SHISA6: variants seen among roughly 807,000 people sequenced by gnomAD.
The protein encoded by SHISA6 is shisa family member 6.
A neutral mutation model predicts 47.9 loss-of-function variants in SHISA6; 22 were observed. The observed-to-expected ratio is 0.46, with a 90% CI of 0.33 to 0.66. The LOEUF is 0.66. SHISA6 is among the 30% of genes least tolerant of loss of function. SHISA6 has a pLI of 0.02. For missense variants in SHISA6, 680 were observed against 764.6 expected (o/e 0.89, Z 1.30); for synonymous variants, 388 against 337.8 (o/e 1.15, Z -1.63).
chr17:11,326,346 A>G (rs745878367), intron 2 of SHISA6, among the ~76,000 whole-genome samples: 14 of 150,680 alleles, frequency 9.3e-5, no homozygotes, highest in Admixed American at 2.0e-4. Context: ...TGCTTTCTCT[A>G]CTCCCCTCTA....
At chr17:11,417,468 G>T (rs147490520) in intron 3 of SHISA6, among the ~76,000 whole-genome samples, 41 of 152,308 alleles carry the variant, frequency 2.7e-4, no homozygotes, top group African/African-American at 9.9e-4. Flanking sequence ...TGTATGGGGA[G>T]CACGTGGCCT....
chr17:11,501,526 T>C lies in SHISA6; in HGVS notation c.896-50370T>C, dbSNP rs577470857. On this transcript the variant is annotated intron_variant, in intron 3 of 5. Transcript: ENST00000441885. Reference sequence around the variant, plus strand: ...GGAATTAAGGAGGTTTTTTTAGTACTAGAAGAAAAGACCAAGGCATGACTT... The same window carrying C: ...GGAATTAAGGAGGTTTTTTTAGTACCAGAAGAAAAGACCAAGGCATGACTT... 2.0e-5 allele frequency among the ~76,000 whole-genome samples: 3 copies of C among 152,246 alleles called. No homozygotes were observed. In the East Asian group the frequency reaches 5.8e-4, roughly 29 times the overall value.
rs894126127 is a variant in SHISA6, at chr17:11,242,115, C to G, written c.638+55C>G. On this transcript the variant is annotated intron_variant, in intron 1 of 5. Transcript: ENST00000441885. ...TCTCCCCGCGGCCTCACCCTCTCAG[C>G]TTGCTTCCCCTGTCCTCTTCACTCT... 2.0e-5 allele frequency: 31 copies of G among 1,543,430 alleles called. No homozygotes were observed. In the African/African-American group the frequency reaches 3.7e-4, roughly 18 times the overall value.
intron 2 of SHISA6, among the ~76,000 whole-genome samples, chr17:11,287,251 G>A (rs901527227): frequency 4.8e-5 from 7 of 147,184 alleles, no homozygotes; most frequent in Non-Finnish European, 8.9e-5. Context: ...GAAGGAAGGA[G>A]GGAGGGAAGG....
chr17:11,487,652 C>G (rs1183109196), intron 3 of SHISA6, among the ~76,000 whole-genome samples: 1 of 152,194 alleles, frequency 6.6e-6, no homozygotes, highest in Non-Finnish European at 1.5e-5. Context: ...ACTAATGCCC[C>G]TGACTCTTTA....
At position 11,464,548 on chromosome 17, in the gene SHISA6, G is replaced by A. The variant is rs567259183; in HGVS notation, c.895+85039G>A. ...CTATACACACCCACGTCCATGAAAT[G>A]AATGCATTACACTCTGTGGAGAAGG... On this transcript the variant is annotated intron_variant, in intron 3 of 5. Coordinates refer to ENST00000441885, the MANE Select transcript of SHISA6 (RefSeq NM_207386.4). 3.9e-5 allele frequency among the ~76,000 whole-genome samples: 6 copies of A among 152,316 alleles called. No homozygotes were observed. The East Asian group carries it at 9.7e-4, about 25-fold the overall frequency.
rs138608488 is a variant in SHISA6, at chr17:11,318,468, A to G, written c.799+54942A>G. On this transcript the variant is annotated intron_variant, in intron 2 of 5. Coordinates refer to ENST00000441885, the MANE Select transcript of SHISA6 (RefSeq NM_207386.4). The stretch of plus-strand genomic sequence containing the variant: ...TTAGAATGCTGTCTTCACATGTACC[A>G]TCTGCCACCCCCTAGGAGGTTCTTT... Among the ~76,000 whole-genome samples, 1,089 of 152,148 alleles carry G rather than the reference A, an allele frequency of 7.2e-3. 5 individuals carry two copies. The highest frequency in any genetic ancestry group is 0.011 in the Non-Finnish European group (729 of 67,984).
intron 3 of SHISA6, among the ~76,000 whole-genome samples, chr17:11,500,094 T>G (rs2071439205): frequency 6.6e-6 from 1 of 151,910 alleles, no homozygotes; most frequent in African/African-American, 2.4e-5. Context: ...AGGCCAGAGA[T>G]GAGAAAAGAC....
intron 2 of SHISA6, among the ~76,000 whole-genome samples, chr17:11,293,045 G>A (rs1909608898): frequency 6.6e-6 from 1 of 151,900 alleles, no homozygotes; most frequent in Admixed American, 6.6e-5. Context: ...GGCTGGTGTT[G>A]AACTCCCGAC....
chr17:11,491,493 G>T (rs1187277128), intron 3 of SHISA6, among the ~76,000 whole-genome samples: 1 of 151,988 alleles, frequency 6.6e-6, no homozygotes, highest in Non-Finnish European at 1.5e-5. Flanking sequence ...GGAGACGGGG[G>T]TCTCACTATG....
intron 2 of SHISA6, among the ~76,000 whole-genome samples, chr17:11,350,718 C>G (rs575857568): frequency 1.1e-3 from 170 of 152,064 alleles, no homozygotes; most frequent in African/African-American, 3.9e-3. Flanking sequence ...AGCATTTTTT[C>G]TAGTATATAA....
At chr17:11,319,689 A>G (rs9899695) in intron 2 of SHISA6, among the ~76,000 whole-genome samples, 25,027 of 152,230 alleles carry the variant, frequency 0.16, 2,805 homozygotes, top group African/African-American at 0.31. Context: ...TGATTATTCA[A>G]ATTCTTCTAA....
At chr17:11,379,225 T>C (rs1912924628) in intron 2 of SHISA6, among the ~76,000 whole-genome samples, 189 bp from the exon 3 acceptor site, 1 of 148,400 alleles carries the variant, frequency 6.7e-6, no homozygotes, top group Non-Finnish European at 1.5e-5. Flanking sequence ...TTCAGTAATA[T>C]ATATATTTTT....
At position 11,441,926 on chromosome 17, in the gene SHISA6, G is replaced by T. The variant is rs558817875; in HGVS notation, c.895+62417G>T. ...CTTCACCTTTGCAAAATGAGAGAGT[G>T]CTGGAGGCCCTTTGTTCCTAACAAG... is the stretch of plus-strand genomic sequence containing the variant. On this transcript the variant is annotated intron_variant, in intron 3 of 5. Coordinates refer to ENST00000441885, the MANE Select transcript of SHISA6 (RefSeq NM_207386.4). Among the ~76,000 whole-genome samples the T allele has an allele frequency of 9.9e-5, 15 of 152,248 alleles. No homozygotes were observed. In the South Asian group the frequency reaches 2.9e-3, roughly 30 times the overall value.
At chr17:11,368,955 G>A (rs562059633) in intron 2 of SHISA6, among the ~76,000 whole-genome samples, 12 of 152,194 alleles carry the variant, frequency 7.9e-5, no homozygotes, top group East Asian at 7.8e-4. Flanking sequence ...GAACCCGGCC[G>A]AATTATTGTA....
rs113287260 is a variant in SHISA6 at position 11,277,280 on chromosome 17, TCA to T, written c.799+13792_799+13793del. 8.5e-3 allele frequency among the ~76,000 whole-genome samples: 458 copies of T among 53,852 alleles called. 2 individuals carry two copies. The highest frequency in any genetic ancestry group is 0.017 in the African/African-American group (239 of 13,830). The allele number at this position is 53,852 out of a possible 152,430, so 35.3% of individuals were successfully genotyped here. ...CTCTCTCTCTCTCTCTCTCTCTCTC[TCA>T]CACACACACACACACACACACACAC... On this transcript the variant is annotated intron_variant, in intron 2 of 5. Transcript: ENST00000441885.
At chr17:11,475,797 G>C (rs896549339) in intron 3 of SHISA6, among the ~76,000 whole-genome samples, 1 of 151,906 alleles carries the variant, frequency 6.6e-6, no homozygotes, top group African/African-American at 2.4e-5. Context: ...GGTAATACTG[G>C]CCTCACAGAA....
At chr17:11,520,746 G>C (rs1203490233) in intron 3 of SHISA6, among the ~76,000 whole-genome samples, 1 of 152,082 alleles carries the variant, frequency 6.6e-6, no homozygotes, top group East Asian at 1.9e-4. Flanking sequence ...TCATCCATGA[G>C]ACCTCTGCAT....
intron 2 of SHISA6, among the ~76,000 whole-genome samples, chr17:11,319,508 C>G (rs1046592692): frequency 2.0e-5 from 3 of 152,190 alleles, no homozygotes; most frequent in Non-Finnish European, 4.4e-5. Context: ...TTCAGGGATT[C>G]TTTAGTTGGT....
Sources: gnomAD v4.1 joint callset for allele counts (sites outside exome capture counted in the v4.1 genomes callset) on GRCh38, gnomAD v4.1.1 for gene constraint, MANE v1.5 for transcripts, NCBI Gene and HGNC (gene_info 2026-07-23, HGNC 2026-07-21) for gene names.